Variants in TTC34 observed in about 807,000 individuals in gnomAD.
TTC34 encodes tetratricopeptide repeat domain 34, also known as tetratricopeptide repeat protein 34.
In TTC34, 44 loss-of-function variants were observed where a neutral mutation model predicts 40.7. The observed-to-expected ratio is 1.08, with a 90% CI of 0.85 to 1.39. The LOEUF (loss-of-function observed/expected upper bound fraction) is 1.39. TTC34 is among the 40% of genes most tolerant of loss of function. The pLI, the probability that TTC34 is intolerant of heterozygous loss-of-function variation, is 0.00. For synonymous variants in TTC34, 422 were observed against 398.6 expected (o/e 1.06, Z -0.70); for missense variants, 884 against 838.0 (o/e 1.05, Z -0.68).
At chr1:2,786,535 G>T (rs1643591471) in intron 4 of TTC34, among the ~76,000 whole-genome samples, 1 of 152,314 alleles carries the variant, frequency 6.6e-6, no homozygotes, top group Admixed American at 6.5e-5. Context: ...TTGGTGGGCT[G>T]GGACTCTCAG....
At chr1:2,800,627 G>A (rs1015298620) in exon 2 of TTC34, 24 of 398,546 alleles carry the variant, frequency 6.0e-5, no homozygotes, top group Admixed American at 1.3e-4. Context: ...GGCTGTCCCC[G>A]CGGCACCAGG....
intron 6 of TTC34, among the ~76,000 whole-genome samples, chr1:2,750,284 C>CAA (rs1569688749): frequency 0.02 from 119 of 6,094 alleles, 1 homozygote; most frequent in East Asian, 0.042. Context: ...GAGCCCAGAC[C>CAA]CCCAGGTGAG....
intron 6 of TTC34, among the ~76,000 whole-genome samples, chr1:2,751,500 T>C (rs1210037067): frequency 5.2e-5 from 2 of 38,278 alleles, no homozygotes; most frequent in African/African-American, 1.2e-4. Flanking sequence ...CAGGTGAGCC[T>C]CTGACAGCCT....
chr1:2,768,162 G>A (rs1199065813), intron 6 of TTC34, among the ~76,000 whole-genome samples: 1 of 150,984 alleles, frequency 6.6e-6, no homozygotes, highest in Non-Finnish European at 1.5e-5. Flanking sequence ...ATCAACACTC[G>A]AACCTTCAGG....
chr1:2,694,818 A>G (rs369264487), intron 6 of TTC34, among the ~76,000 whole-genome samples: 1 of 68,602 alleles, frequency 1.5e-5, no homozygotes, highest in African/African-American at 4.9e-5. Flanking sequence ...GACAGCCTGG[A>G]ACGACACCCA....
At chr1:2,653,692 C>G (rs1370990967) in intron 6 of TTC34, among the ~76,000 whole-genome samples, 1 of 144,532 alleles carries the variant, frequency 6.9e-6, no homozygotes, top group African/African-American at 2.6e-5. Context: ...ACCCACACCC[C>G]CAGGTGAGCA....
intron 6 of TTC34, among the ~76,000 whole-genome samples, chr1:2,760,044 C>CGT (rs1641644995): frequency 4.6e-5 from 5 of 109,706 alleles, no homozygotes; most frequent in African/African-American, 1.9e-4. Context: ...GCCCACACAC[C>CGT]CAAGTGAGCA....
At chr1:2,772,897 C>A (rs1427770490) in intron 6 of TTC34, among the ~76,000 whole-genome samples, 4 of 126,564 alleles carry the variant, frequency 3.2e-5, no homozygotes, top group Non-Finnish European at 5.3e-5. Flanking sequence ...GAACCCCACA[C>A]CCCCAGGTGA....
chr1:2,795,086 CAAAA>C (rs35945824), intron 2 of TTC34, among the ~76,000 whole-genome samples: 6 of 134,272 alleles, frequency 4.5e-5, no homozygotes, highest in Non-Finnish European at 9.6e-5. Flanking sequence ...CCCATCTCTA[CAAAA>C]AAAAAAAAAA....
At chr1:2,690,561 CA>C (rs1640571821) in intron 6 of TTC34, among the ~76,000 whole-genome samples, 1 of 146,978 alleles carries the variant, frequency 6.8e-6, no homozygotes. Flanking sequence ...CATCTGACCG[CA>C]TGGAGCAGCA....
chr1:2,698,542 CGG>C (rs1640973957), intron 6 of TTC34, among the ~76,000 whole-genome samples: 1 of 128,986 alleles, frequency 7.8e-6, no homozygotes, highest in African/African-American at 3.1e-5. Context: ...AGGTGAGCAT[CGG>C]GCAGCCTGGA....
chr1:2,643,769 C>T (rs1638962411), intron 8 of TTC34, among the ~76,000 whole-genome samples: 1 of 152,178 alleles, frequency 6.6e-6, no homozygotes, highest in East Asian at 1.9e-4. Context: ...CCTAAGTGGC[C>T]CCGGAGTGCT....
intron 4 of TTC34, among the ~76,000 whole-genome samples, chr1:2,787,081 G>C (rs1396520955): frequency 6.6e-6 from 1 of 152,162 alleles, no homozygotes. Context: ...AGGAGGGAAG[G>C]TCCCCTCTGC....
rs1214054463 is a variant in TTC34, at chr1:2,645,641, G to A, written c.2227-78C>T. 1.5e-6 allele frequency: 2 copies of A among 1,360,676 alleles called. No homozygotes were observed. The highest frequency in any genetic ancestry group is 1.9e-6 in the Non-Finnish European group (2 of 1,043,078). 84.3% of individuals were successfully genotyped at this position (1,360,676 alleles called of 1,614,324 possible). A position where few individuals can be genotyped will look rare whatever the true frequency, so the allele number is the denominator to read the frequency against. Reference sequence around the variant, plus strand: ...GGCAGAGGGTCAGAGTAGGAGGACTGGCTCTGTCTTTCTCATTCCCTGATC... The same window carrying A: ...GGCAGAGGGTCAGAGTAGGAGGACTAGCTCTGTCTTTCTCATTCCCTGATC... On this transcript the variant is annotated intron_variant, in intron 6 of 8. Coordinates refer to ENST00000401095, the Ensembl canonical transcript of TTC34. This position sits in a 1 kb window ranked among gnomAD's most constrained non-coding sequence, Gnocchi z 4.7.
At chr1:2,688,504 T>A (rs1356959526) in intron 6 of TTC34, among the ~76,000 whole-genome samples, 7 of 129,336 alleles carry the variant, frequency 5.4e-5, no homozygotes, top group Admixed American at 2.4e-4. Flanking sequence ...CAGGTGAGCA[T>A]CTGACAGCCT....
At chr1:2,752,377 G>A (rs1376578559) in intron 6 of TTC34, among the ~76,000 whole-genome samples, 1,820 of 70,588 alleles carry the variant, frequency 0.026, 275 homozygotes, top group Non-Finnish European at 0.037. Context: ...ACACCCCCAG[G>A]CGAGCATCTG....
At chr1:2,692,644 ATC>A (rs1640678681) in intron 6 of TTC34, among the ~76,000 whole-genome samples, 1 of 135,646 alleles carries the variant, frequency 7.4e-6, no homozygotes, top group Non-Finnish European at 1.5e-5. Flanking sequence ...AGCATCTGAC[ATC>A]GTGGAGCAGC....
chr1:2,793,268 G>A (rs1479630546), intron 2 of TTC34, among the ~76,000 whole-genome samples: 3 of 152,024 alleles, frequency 2.0e-5, no homozygotes, highest in Non-Finnish European at 4.4e-5. Context: ...GCTGAATATT[G>A]TTCACATGTT....
intron 6 of TTC34, among the ~76,000 whole-genome samples, chr1:2,660,365 CCGA>C (rs1349113521): frequency 3.7e-5 from 5 of 135,424 alleles, no homozygotes; most frequent in Admixed American, 7.6e-5. Flanking sequence ...AGGCGAGCAT[CCGA>C]TGACCTGGAG....
Sources: gnomAD v4.1 joint callset for allele counts (sites outside exome capture counted in the v4.1 genomes callset) on GRCh38, gnomAD v4.1.1 for gene constraint, Gnocchi (gnomAD v3.1) non-coding constraint, MANE v1.5 for transcripts, NCBI Gene and HGNC (gene_info 2026-07-23, HGNC 2026-07-21) for gene names.